Variants in RFX7 observed in about 807,000 individuals in gnomAD.
RFX7 encodes the protein regulatory factor X7, also known as DNA-binding protein RFX7.
RFX7 carries 26 observed loss-of-function variants against 111.8 expected under a neutral mutation model. The observed-to-expected ratio is 0.23, with a 90% CI of 0.17 to 0.32. RFX7 has a LOEUF of 0.32. Ranked by LOEUF, RFX7 falls within the 10% of genes least tolerant of loss-of-function variation. The pLI is 1.00. For synonymous variants in RFX7, 624 were observed against 624.4 expected, an observed-to-expected ratio of 1.00 and a Z score of 0.01; for missense variants, 1,573 against 1,772.9, an observed-to-expected ratio of 0.89 and a Z score of 2.02.
intron 3 of RFX7, among the ~76,000 whole-genome samples, chr15:56,150,248 C>T (rs576931338): frequency 1.3e-5 from 2 of 152,312 alleles, no homozygotes; most frequent in South Asian, 4.1e-4. Context: ...CAGACTTAAA[C>T]ATCCCTGCCT....
intron 5 of RFX7, among the ~76,000 whole-genome samples, chr15:56,116,774 A>C (rs1487138655): frequency 1.3e-5 from 2 of 151,948 alleles, no homozygotes; most frequent in African/African-American, 4.8e-5. Context: ...ATATATTCAC[A>C]AGTGGGATAC....
At chr15:56,184,089 G>A (rs796477800) in intron 2 of RFX7, among the ~76,000 whole-genome samples, 1 of 151,134 alleles carries the variant, frequency 6.6e-6, no homozygotes, top group South Asian at 2.1e-4. Context: ...ATGCCATCGC[G>A]GCTCACCGCA....
intron 2 of RFX7, among the ~76,000 whole-genome samples, chr15:56,241,911 C>A (rs546230461): frequency 6.6e-6 from 1 of 152,192 alleles, no homozygotes; most frequent in African/African-American, 2.4e-5. Flanking sequence ...TGACCTACTT[C>A]ATATCAGCAT....
chr15:56,190,997 A>G (rs1008907617), intron 2 of RFX7, among the ~76,000 whole-genome samples: 6 of 152,220 alleles, frequency 3.9e-5, no homozygotes, highest in Admixed American at 1.3e-4. Flanking sequence ...AATTAAATCT[A>G]TTTAGGCTGG....
At chr15:56,243,048 CGCCCGCCG>C in intron 2 of RFX7, 69 bp downstream of exon 2, 1 of 643,772 alleles carries the variant, frequency 1.6e-6, no homozygotes, top group Non-Finnish European at 2.6e-6. Flanking sequence ...CCGCTCCCCC[CGCCCGCCG>C]CCCCCCACCC....
rs1446523966 is a variant in RFX7, at chr15:56,098,165, C to T, written c.1023G>A (p.Val341=). 1.2e-6 allele frequency: 2 copies of T among 1,613,758 alleles called. No individual in the cohort carries two copies. Among genetic ancestry groups the T allele is most frequent in the African/African-American group, 1.3e-5 (1 of 74,924 alleles). ...AAGGATTTCCATTAGGAAGATTAGT[C>T]ACTCCATTGCTTGTAGCACTTTCTG... The part of the protein sequence containing the change: ...KKSESATSNG[V]TNLPNGNPSI... The change falls in exon 9 of 10, where the codon GTG becomes GTA. Residue 341 remains valine (V), a synonymous_variant. Transcript: ENST00000559447.
At chr15:56,235,804 T>G (rs1407203984) in intron 2 of RFX7, among the ~76,000 whole-genome samples, 2 of 152,226 alleles carry the variant, frequency 1.3e-5, no homozygotes, top group Non-Finnish European at 2.9e-5. Context: ...GGAATGGGTG[T>G]AAAGGTATCC....
chr15:56,146,725 C>T (rs1306799667), intron 3 of RFX7, among the ~76,000 whole-genome samples: 5 of 152,034 alleles, frequency 3.3e-5, no homozygotes, highest in African/African-American at 4.8e-5. Context: ...AGTCAGTGTC[C>T]TAATTTTTTT....
At chr15:56,145,699 C>T (rs1328348711) in intron 3 of RFX7, among the ~76,000 whole-genome samples, 1 of 152,174 alleles carries the variant, frequency 6.6e-6, no homozygotes, top group Non-Finnish European at 1.5e-5. Context: ...GTGTGTTTAA[C>T]TCTTTTTCTC....
intron 3 of RFX7, among the ~76,000 whole-genome samples, chr15:56,149,005 C>A (rs529994428): frequency 1.5e-3 from 224 of 151,840 alleles, no homozygotes; most frequent in Non-Finnish European, 1.5e-3. Context: ...ATGGTGTGAA[C>A]CCGGAAGGCG....
intron 2 of RFX7, among the ~76,000 whole-genome samples, chr15:56,199,389 C>T (rs1308804405): frequency 6.6e-6 from 1 of 152,010 alleles, no homozygotes; most frequent in African/African-American, 2.4e-5. Flanking sequence ...TGAATTTTAC[C>T]ATTGTAATAT....
chr15:56,207,822 G>C (rs1322543409), intron 2 of RFX7, among the ~76,000 whole-genome samples: 1 of 152,164 alleles, frequency 6.6e-6, no homozygotes, highest in African/African-American at 2.4e-5. Flanking sequence ...CTCTTCTTAG[G>C]ATTTGTCAGA....
Position 56,094,862 on chromosome 15 carries a change from G to A in RFX7, c.2866C>T (p.Pro956Ser). The change falls in exon 10 of 10, where the codon CCT becomes TCT. Residue 956 changes from proline (P) to serine (S), a missense_variant. Pro to Ser is a moderately conservative substitution (Grantham distance 74). This residue lies in a region of RFX7 where 625 missense variants were observed against 632.2 expected (regional missense o/e 0.99). Coordinates refer to ENST00000559447, the MANE Select transcript of RFX7 (RefSeq NM_022841.7). ...HTPTPTPTPT[P>S]TPTPTPTPTS... is the part of the protein sequence containing the mutation. ...GGGGTTGGGGTTGGGGTTGGAGTAG[G>A]AGTGGGTGTGGGTGTGGGTGTGGGT... 2.6e-6 allele frequency: 4 copies of A among 1,555,374 alleles called. No homozygotes were observed. The highest frequency in any genetic ancestry group is 3.5e-6 in the Non-Finnish European group (4 of 1,149,984).
intron 5 of RFX7, among the ~76,000 whole-genome samples, chr15:56,132,660 C>T (rs565776718): frequency 7.2e-5 from 11 of 152,144 alleles, no homozygotes; most frequent in African/African-American, 2.6e-4. Context: ...AGTAATGTTA[C>T]AAGCTGTGAC....
intron 5 of RFX7, among the ~76,000 whole-genome samples, chr15:56,104,633 C>T (rs566285649): frequency 6.6e-6 from 1 of 152,316 alleles, no homozygotes; most frequent in East Asian, 1.9e-4. Flanking sequence ...GTCCTGATAA[C>T]ATCCCTAAAG....
At chr15:56,158,244 T>G (rs2042678150) in intron 3 of RFX7, among the ~76,000 whole-genome samples, 1 of 152,198 alleles carries the variant, frequency 6.6e-6, no homozygotes, top group Admixed American at 6.5e-5. Context: ...GATTTGCCAC[T>G]CATTAGCTTT....
intron 5 of RFX7, among the ~76,000 whole-genome samples, chr15:56,125,317 A>AT (rs1417439953): frequency 6.6e-6 from 1 of 152,000 alleles, no homozygotes; most frequent in East Asian, 1.9e-4. Context: ...TGTGGTTAGC[A>AT]TTTTTTGGCA....
At chr15:56,232,795 G>C (rs557536378) in intron 2 of RFX7, among the ~76,000 whole-genome samples, 1 of 152,148 alleles carries the variant, frequency 6.6e-6, no homozygotes, top group Non-Finnish European at 1.5e-5. Context: ...AATGCTGCCA[G>C]TATCTTTGCT....
intron 2 of RFX7, among the ~76,000 whole-genome samples, chr15:56,242,824 G>A (rs2043717759): frequency 6.6e-6 from 1 of 152,150 alleles, no homozygotes; most frequent in South Asian, 2.1e-4. Context: ...CATGCAATAT[G>A]ACTTAATTTC....
Sources: allele counts gnomAD v4.1 joint callset (sites outside exome capture counted in the v4.1 genomes callset), GRCh38; gene constraint gnomAD v4.1.1; regional missense constraint gnomAD v4.1.1; transcripts MANE v1.5; gene names NCBI Gene and HGNC (gene_info 2026-07-23, HGNC 2026-07-21).